The following TEKT3 variants were observed in gnomAD, a reference collection of about 807,000 sequenced individuals.
TEKT3 encodes tektin 3, also known as tektin-3.
In TEKT3, 49 loss-of-function variants were observed where a neutral mutation model predicts 49.8. The ratio of observed to expected loss-of-function variants is 0.98; its 90% CI spans 0.78 to 1.25. The LOEUF (loss-of-function observed/expected upper bound fraction) is 1.25, where lower values mean the gene tolerates loss of function less well. TEKT3 is among the 50% of genes most tolerant of loss of function. The pLI, the probability that TEKT3 is intolerant of heterozygous loss-of-function variation, is 0.00. For missense variants in TEKT3, 595 were observed against 629.5 expected (o/e 0.95, Z 0.59); for synonymous variants, 225 against 237.2 (o/e 0.95, Z 0.47).
intron 2 of TEKT3, chr17:15,338,527 G>A (rs1285139121): frequency 4.2e-5 from 6 of 141,720 alleles, no homozygotes; most frequent in African/African-American, 1.0e-4. Context: ...TTTTTGAGAT[G>A]GAGTCTCGCT....
At chr17:15,320,427 C>T (rs897856504) in intron 4 of TEKT3, among the ~76,000 whole-genome samples, 7 of 152,092 alleles carry the variant, frequency 4.6e-5, no homozygotes, top group South Asian at 4.2e-4. Flanking sequence ...TATAAATGTG[C>T]GTGGTGCTTT....
intron 1 of TEKT3, among the ~76,000 whole-genome samples, 198 bp downstream of exon 1, chr17:15,341,320 G>A (rs1459289348): frequency 6.6e-6 from 1 of 152,198 alleles, no homozygotes; most frequent in African/African-American, 2.4e-5. Context: ...AAATTACGAG[G>A]AAACCAACGT....
Position 15,312,410 on chromosome 17 carries a change from G to C in TEKT3, c.950C>G (p.Ala317Gly), listed in dbSNP as rs1255274589. 1 of 1,614,202 alleles carries C rather than the reference G, an allele frequency of 6.2e-7. No homozygotes were observed. Among genetic ancestry groups the C allele is most frequent in the East Asian group, 2.2e-5 (1 of 44,888 alleles). Residue 317 changes from alanine (A) to glycine (G), a missense_variant, in exon 7 of 9, where the codon GCT becomes GGT. Coordinates refer to ENST00000395930, the MANE Select transcript of TEKT3 (RefSeq NM_031898.3). ...AATGTCGTCTCTTAGCTTAGCGGAA[G>C]CTGCCCGTTCACTCTGGGAGCGGAG... The part of the protein sequence containing the change: ...NILRSQSERA[A>G]SAKLRDDIEN...
intron 5 of TEKT3, among the ~76,000 whole-genome samples, chr17:15,317,538 G>A (rs73978001): frequency 0.016 from 2,411 of 152,162 alleles, 60 homozygotes; most frequent in African/African-American, 0.052. Context: ...GAATCTCAGC[G>A]TACAAACCTC....
intron 2 of TEKT3, among the ~76,000 whole-genome samples, chr17:15,337,561 G>A (rs533912340): frequency 6.6e-6 from 1 of 152,030 alleles, no homozygotes; most frequent in African/African-American, 2.4e-5. Flanking sequence ...ATAAAAATAT[G>A]GGCTGGGCAC....
At chr17:15,307,359 T>G (rs1404225297) in intron 8 of TEKT3, among the ~76,000 whole-genome samples, 1 of 152,214 alleles carries the variant, frequency 6.6e-6, no homozygotes. Context: ...AGACTCAAAC[T>G]GCAGCTCTCT....
chr17:15,308,754 T>A lies in TEKT3; in HGVS notation c.1166A>T (p.Lys389Met), dbSNP rs759371189. 2 of 1,614,080 alleles carry A rather than the reference T, an allele frequency of 1.2e-6. No homozygotes were observed. The highest frequency in any genetic ancestry group is 2.2e-5 in the South Asian group (2 of 91,082). ...IESIKKAIKD[K>M]TAFLKVAQTR... ...CTGAGCCACCTTCAGGAAGGCAGTC[T>A]TGTCCTTGATGGCCTTCTTGATGGA... Residue 389 changes from lysine (K) to methionine (M), a missense_variant, in exon 8 of 9, where the codon AAG becomes ATG. Physicochemically the swap from Lys to Met is moderately conservative, Grantham distance 95. Transcript: ENST00000395930.
At chr17:15,312,552 T>A (rs1910819722) in intron 6 of TEKT3, 71 bp from the exon 7 acceptor site, 26 of 1,402,026 alleles carry the variant, frequency 1.9e-5, no homozygotes, top group Non-Finnish European at 2.6e-5. Flanking sequence ...TAGGCAATCA[T>A]TTATCCTGAG....
intron 7 of TEKT3, among the ~76,000 whole-genome samples, chr17:15,310,669 G>A (rs1308078070): frequency 1.3e-5 from 2 of 152,068 alleles, no homozygotes; most frequent in African/African-American, 4.8e-5. Flanking sequence ...GATTTCTATT[G>A]TGGAAATTCA....
chr17:15,322,512 GCAC>G (rs1911310386), intron 4 of TEKT3, among the ~76,000 whole-genome samples: 6 of 152,182 alleles, frequency 3.9e-5, no homozygotes, highest in Admixed American at 3.9e-4. Flanking sequence ...TGAGGAATAT[GCAC>G]CACATCACAG....
At position 15,331,299 on chromosome 17, in the gene TEKT3, G is replaced by C. The variant is rs562385964; in HGVS notation, c.287C>G (p.Pro96Arg). 1.4e-5 allele frequency: 22 copies of C among 1,614,080 alleles called. No individual in the cohort carries two copies. Among genetic ancestry groups the C allele is most frequent in the Non-Finnish European group, 1.7e-5 (20 of 1,180,044 alleles). ...TAAATTGGACCTGTACCAGTCATCCGGTGTGTATCTTGTGAAGAAAGTGGT... is the reference window on the plus strand; with the variant it reads ...TAAATTGGACCTGTACCAGTCATCCCGTGTGTATCTTGTGAAGAAAGTGGT... ...NRTTFFTRYT[P>R]DDWYRSNLTN... Residue 96 changes from proline (P) to arginine (R), a missense_variant, in exon 3 of 9, where the codon CCG (proline) becomes CGG (arginine). Coordinates refer to ENST00000395930, the MANE Select transcript of TEKT3 (RefSeq NM_031898.3).
chr17:15,324,758 A>G (rs1035946508), intron 4 of TEKT3, among the ~76,000 whole-genome samples: 4 of 152,134 alleles, frequency 2.6e-5, no homozygotes, highest in Non-Finnish European at 5.9e-5. Flanking sequence ...GTTCTTCAAA[A>G]TACATTTTTA....
chr17:15,305,696 G>A (rs1910513092), intron 8 of TEKT3, among the ~76,000 whole-genome samples: 1 of 151,338 alleles, frequency 6.6e-6, no homozygotes, highest in Non-Finnish European at 1.5e-5. Context: ...GATGATATAT[G>A]TGTCTTTACT....
chr17:15,314,428 T>C, intron 5 of TEKT3, 198 bp from the exon 6 acceptor site: 1 of 533,868 alleles, frequency 1.9e-6, no homozygotes, highest in Non-Finnish European at 3.2e-6. Flanking sequence ...GGACCCTAAC[T>C]CCCACCTTGT....
chr17:15,313,276 A>G (rs1597659967), intron 6 of TEKT3, among the ~76,000 whole-genome samples: 1 of 152,236 alleles, frequency 6.6e-6, no homozygotes, highest in Non-Finnish European at 1.5e-5. Flanking sequence ...CTATATTTCA[A>G]CTGCGTGCAT....
intron 5 of TEKT3, among the ~76,000 whole-genome samples, chr17:15,316,497 G>A (rs780074053): frequency 2.0e-5 from 3 of 152,140 alleles, no homozygotes; most frequent in South Asian, 2.1e-4. Flanking sequence ...GATGTTGGAA[G>A]GTTGCTTAGT....
chr17:15,335,177 A>G (rs1911931231), intron 2 of TEKT3, among the ~76,000 whole-genome samples: 1 of 152,232 alleles, frequency 6.6e-6, no homozygotes, highest in South Asian at 2.1e-4. Context: ...TGAGAAAGTG[A>G]TCAGAATTCA....
Position 15,331,069 on chromosome 17 carries a change from C to T in TEKT3, c.517G>A (p.Ala173Thr). 1 of 1,614,192 alleles carries T rather than the reference C, an allele frequency of 6.2e-7. No individual in the cohort carries two copies. The highest frequency in any genetic ancestry group is 1.1e-5 in the South Asian group (1 of 91,074). The change falls in exon 3 of 9, where the codon GCA (alanine) becomes ACA (threonine). Residue 173 changes from alanine to threonine, a missense_variant. Transcript: ENST00000395930. ...ELDEMIGETN[A>T]LTDVKKRLER... ...AGTCTTTTCTTCACATCAGTAAGTGCATTTGTCTCTCCAATCATTTCATCC... is the reference window on the plus strand; with the variant it reads ...AGTCTTTTCTTCACATCAGTAAGTGTATTTGTCTCTCCAATCATTTCATCC...
chr17:15,312,350 C>T lies in TEKT3; in HGVS notation c.1010G>A (p.Trp337Ter). The T allele has an allele frequency of 1.2e-6, 2 of 1,614,192 alleles. No individual in the cohort carries two copies. The highest frequency in any genetic ancestry group is 2.2e-5 in the South Asian group (2 of 91,080). The part of the protein sequence containing the change: ...NLLVVTANEM[W>*]NQFNKVNLSF... ...CAAGTTCACTTTGTTGAATTGATTC[C>T]ACATCTCATTGGCAGTCACAACCAA... Residue 337 changes from tryptophan to a stop codon, truncating the protein, a stop_gained, in exon 7 of 9, where the codon TGG becomes TAG. Coordinates refer to ENST00000395930, the MANE Select transcript of TEKT3 (RefSeq NM_031898.3). LOFTEE classifies it high-confidence loss of function.
Sources: gnomAD v4.1 joint callset for allele counts (sites outside exome capture counted in the v4.1 genomes callset) on GRCh38, gnomAD v4.1.1 for gene constraint, MANE v1.5 for transcripts, NCBI Gene and HGNC (gene_info 2026-07-23, HGNC 2026-07-21) for gene names.